The following TAFA5 variants were observed in gnomAD, a reference collection of about 807,000 sequenced individuals.
The protein encoded by TAFA5 is chemokine-like protein TAFA-5.
In TAFA5, 6 loss-of-function variants were observed where a neutral mutation model predicts 15.3. That is an observed-to-expected ratio of 0.39 (90% confidence interval 0.21 to 0.77). The LOEUF (loss-of-function observed/expected upper bound fraction) is 0.77. Ranked by LOEUF, TAFA5 falls within the 30% of genes least tolerant of loss-of-function variation. The pLI is 0.41. For synonymous variants in TAFA5, 103 were observed against 80.7 expected, an observed-to-expected ratio of 1.28 and a Z score of -1.48; for missense variants, 161 against 193.1, an observed-to-expected ratio of 0.83 and a Z score of 0.98.
chr22:48,594,410 C>T (rs572908851), intron 1 of TAFA5, among the ~76,000 whole-genome samples: 2 of 152,308 alleles, frequency 1.3e-5, no homozygotes, highest in African/African-American at 4.8e-5. Flanking sequence ...AGCTCCGAGG[C>T]ACACACACAC....
chr22:48,709,184 A>G (rs1929174772), intron 3 of TAFA5, among the ~76,000 whole-genome samples: 1 of 152,162 alleles, frequency 6.6e-6, no homozygotes. Flanking sequence ...GTGTGAGGCC[A>G]GGCAACGGCG....
rs1308516952 is a variant in TAFA5 at position 48,530,561 on chromosome 22, T to TGG, written c.112+40857_112+40858insGG. Reference sequence around the variant, plus strand: ...GTGGAAAGCAGGTGGACAGGGCTCCTCCCGTCTCCTCCCCTGCTAGAGGGT... The same window carrying TGG: ...GTGGAAAGCAGGTGGACAGGGCTCCTGGCCCGTCTCCTCCCCTGCTAGAGGGT... On this transcript the variant is annotated intron_variant, in intron 1 of 3. Coordinates refer to ENST00000402357, the MANE Select transcript of TAFA5 (RefSeq NM_001082967.3). This position sits in a 1 kb window ranked among gnomAD's most constrained non-coding sequence, Gnocchi z 6.0. Among the ~76,000 whole-genome samples the TGG allele has an allele frequency of 1.6e-4, 25 of 152,224 alleles. No homozygotes were observed. The East Asian group carries it at 2.9e-3, about 18-fold the overall frequency.
At chr22:48,644,362 A>G (rs1003924979) in intron 1 of TAFA5, among the ~76,000 whole-genome samples, 7 of 152,162 alleles carry the variant, frequency 4.6e-5, no homozygotes, top group African/African-American at 1.4e-4. Flanking sequence ...GCAGCCACGC[A>G]CCAGCCATGA....
chr22:48,657,173 A>T (rs1927280613), intron 2 of TAFA5, among the ~76,000 whole-genome samples: 1 of 152,200 alleles, frequency 6.6e-6, no homozygotes, highest in Non-Finnish European at 1.5e-5. Context: ...AGGAAGGCTG[A>T]AATTACCACA....
rs1277571671 is a variant in TAFA5 at position 48,751,159 on chromosome 22, A to G, written c.*1312A>G. ...ATTGGTCAACACTTGAGCGTACAAT[A>G]TCTTGAACATGCTTCTTCCAATGGG... is the stretch of plus-strand genomic sequence containing the variant. On this transcript the variant is annotated 3_prime_UTR_variant, in exon 4 of 4. Transcript: ENST00000402357. 1 of 152,322 alleles carries G rather than the reference A, an allele frequency of 6.6e-6. No homozygotes were observed. The highest frequency in any genetic ancestry group is 2.4e-5 in the African/African-American group (1 of 41,450). The allele number at this position is 152,322 out of a possible 1,614,324, so 9.4% of individuals were successfully genotyped here.
intron 1 of TAFA5, among the ~76,000 whole-genome samples, chr22:48,585,857 A>G (rs548634418): frequency 7.4e-4 from 113 of 152,236 alleles, no homozygotes; most frequent in Non-Finnish European, 1.3e-3. Context: ...CAAGACACAC[A>G]CACACAAACA....
chr22:48,579,194 A>G (rs1303874121), intron 1 of TAFA5, among the ~76,000 whole-genome samples: 1 of 151,986 alleles, frequency 6.6e-6, no homozygotes, highest in Non-Finnish European at 1.5e-5. Flanking sequence ...ACCGAGAGAG[A>G]GGCAAATTGC....
At chr22:48,724,141 G>A (rs1254656657) in intron 3 of TAFA5, among the ~76,000 whole-genome samples, 1 of 142,958 alleles carries the variant, frequency 7.0e-6, no homozygotes, top group African/African-American at 2.5e-5. Flanking sequence ...GGAGAGACTT[G>A]GGGTTCTCGT....
At chr22:48,587,933 G>A (rs1223073789) in intron 1 of TAFA5, among the ~76,000 whole-genome samples, 1 of 152,234 alleles carries the variant, frequency 6.6e-6, no homozygotes, top group Non-Finnish European at 1.5e-5. Flanking sequence ...TGAACTTTCT[G>A]TCTCAGTCCC....
intron 2 of TAFA5, among the ~76,000 whole-genome samples, chr22:48,649,624 T>G (rs990503211): frequency 1.3e-5 from 2 of 152,084 alleles, no homozygotes; most frequent in Non-Finnish European, 2.9e-5. Context: ...TGGGGCGAGC[T>G]GGGGCAGAGG....
At chr22:48,556,274 T>C (rs112276940) in intron 1 of TAFA5, among the ~76,000 whole-genome samples, 3,314 of 152,212 alleles carry the variant, frequency 0.022, 129 homozygotes, top group African/African-American at 0.075. Flanking sequence ...CCCCCTGTGG[T>C]CAGCCCCTCC....
chr22:48,512,598 C>T (rs1387303395), intron 1 of TAFA5, among the ~76,000 whole-genome samples: 1 of 151,412 alleles, frequency 6.6e-6, no homozygotes, highest in African/African-American at 2.4e-5. Flanking sequence ...TGCACTCCAG[C>T]CTGGGTGATA....
rs142877136 is a variant in TAFA5 at position 48,648,566 on chromosome 22, C to T, written c.262+1820C>T. 2.3e-3 allele frequency among the ~76,000 whole-genome samples: 350 copies of T among 152,254 alleles called. 2 individuals are homozygous for T. The highest frequency in any genetic ancestry group is 4.0e-3 in the Non-Finnish European group (273 of 68,004). ...AAAAAGAATGCCCGTATCAGCCAGG[C>T]GCAGTAGCTCACGCCTGCAATCCCA... On this transcript the variant is annotated intron_variant, in intron 2 of 3. Transcript: ENST00000402357.
intron 1 of TAFA5, among the ~76,000 whole-genome samples, chr22:48,527,800 G>T (rs1921830739): frequency 6.6e-6 from 1 of 152,210 alleles, no homozygotes; most frequent in African/African-American, 2.4e-5. Flanking sequence ...GGCGATGGTG[G>T]CCGGGAGGTC....
chr22:48,575,365 G>A (rs1429277972), intron 1 of TAFA5, among the ~76,000 whole-genome samples: 1 of 149,810 alleles, frequency 6.7e-6, no homozygotes, highest in Non-Finnish European at 1.5e-5. Flanking sequence ...GCGCATCCGC[G>A]GCTCCGCGGC....
At chr22:48,706,722 G>A (rs956430355) in intron 2 of TAFA5, among the ~76,000 whole-genome samples, 9 of 152,200 alleles carry the variant, frequency 5.9e-5, no homozygotes, top group Non-Finnish European at 2.9e-5. Flanking sequence ...GGCAACCCCT[G>A]TTTGTAGGTC....
intron 1 of TAFA5, among the ~76,000 whole-genome samples, chr22:48,574,377 G>T (rs1478466570): frequency 6.6e-6 from 1 of 152,200 alleles, no homozygotes; most frequent in Non-Finnish European, 1.5e-5. Context: ...CGCGAGCCAG[G>T]TCAGGCAGAC....
intron 1 of TAFA5, among the ~76,000 whole-genome samples, chr22:48,612,051 G>C (rs1171634905): frequency 6.6e-6 from 1 of 152,160 alleles, no homozygotes; most frequent in Non-Finnish European, 1.5e-5. Flanking sequence ...CTCAGATCCA[G>C]GGCAAGGCTG....
chr22:48,622,134 A>G (rs1047636942), intron 1 of TAFA5, among the ~76,000 whole-genome samples: 1 of 152,162 alleles, frequency 6.6e-6, no homozygotes, highest in Non-Finnish European at 1.5e-5. Context: ...CCTAGAGCAC[A>G]GGAGTGCATG....
Sources: gnomAD v4.1 joint callset for allele counts (sites outside exome capture counted in the v4.1 genomes callset) on GRCh38, gnomAD v4.1.1 for gene constraint, Gnocchi (gnomAD v3.1) non-coding constraint, MANE v1.5 for transcripts, NCBI Gene and HGNC (gene_info 2026-07-23, HGNC 2026-07-21) for gene names.